The following VSIG10 variants were observed in gnomAD, a reference collection of about 807,000 sequenced individuals.
The protein encoded by VSIG10 is V-set and immunoglobulin domain containing 10.
VSIG10 carries 48 observed loss-of-function variants against 58.7 expected under a neutral mutation model. The ratio of observed to expected loss-of-function variants is 0.82; its 90% CI spans 0.65 to 1.04. The LOEUF (loss-of-function observed/expected upper bound fraction) is 1.04. Ranked by LOEUF, VSIG10 falls within the 50% of genes least tolerant of loss-of-function variation. The pLI, the probability that VSIG10 is intolerant of heterozygous loss-of-function variation, is 0.00. For missense variants in VSIG10, 628 were observed against 670.0 expected (o/e 0.94, Z 0.69); for synonymous variants, 260 against 267.1 (o/e 0.97, Z 0.26).
chr12:118,071,197 T>G (rs1480856184), intron 6 of VSIG10, 130 bp from the exon 7 acceptor site: 12 of 1,234,782 alleles, frequency 9.7e-6, no homozygotes, highest in Non-Finnish European at 1.3e-5. Flanking sequence ...TGATAGGGTG[T>G]CCCGGGATGG....
At chr12:118,084,317 A>C (rs2137908404) in intron 2 of VSIG10, among the ~76,000 whole-genome samples, 1 of 152,326 alleles carries the variant, frequency 6.6e-6, no homozygotes, top group South Asian at 2.1e-4. Flanking sequence ...CCTTGCTAAC[A>C]GGAAAAGTTA....
Position 118,079,386 on chromosome 12 carries a change from T to A in VSIG10, c.885A>T (p.Ile295=). 1 of 1,613,966 alleles carries A rather than the reference T, an allele frequency of 6.2e-7. No individual in the cohort carries two copies. Among genetic ancestry groups the A allele is most frequent in the Non-Finnish European group, 8.5e-7 (1 of 1,179,876 alleles). The part of the protein sequence containing the change: ...GKKFKCVTSH[I]VGPESGASCM... ...AGCTGGCGCCCGACTCTGGCCCAAC[T>A]ATGTGGCTTGTAACACACTTGAACT... The change falls in exon 4 of 9, where the codon ATA becomes ATT. Residue 295 remains isoleucine (I), a synonymous_variant. Coordinates refer to ENST00000359236, the MANE Select transcript of VSIG10 (RefSeq NM_019086.6).
intron 8 of VSIG10, among the ~76,000 whole-genome samples, chr12:118,067,544 G>T (rs887229827): frequency 4.7e-5 from 7 of 148,906 alleles, no homozygotes; most frequent in Non-Finnish European, 1.0e-4. Context: ...GCTCACTGCA[G>T]CCTCCGTCTC....
chr12:118,065,423 T>C lies in VSIG10; in HGVS notation c.*1216A>G, dbSNP rs1441191428. 1.3e-5 allele frequency: 2 copies of C among 152,212 alleles called. No individual in the cohort carries two copies. The highest frequency in any genetic ancestry group is 3.8e-4 in the East Asian group (2 of 5,200). 9.4% of individuals were successfully genotyped at this position (152,212 alleles called of 1,614,324 possible). On this transcript the variant is annotated 3_prime_UTR_variant, in exon 9 of 9. Transcript: ENST00000359236. ...ATGAAAGGCACTTCCTATTACCAGCTCCCTAACTCTTTTTAAAAGAATTCT... is the reference window on the plus strand; with the variant it reads ...ATGAAAGGCACTTCCTATTACCAGCCCCCTAACTCTTTTTAAAAGAATTCT...
intron 2 of VSIG10, among the ~76,000 whole-genome samples, chr12:118,095,008 A>C (rs2033406590): frequency 6.6e-6 from 1 of 151,978 alleles, no homozygotes; most frequent in Admixed American, 6.6e-5. Flanking sequence ...GGTTCAAGCA[A>C]TTCTCCTGCC....
Position 118,069,313 on chromosome 12 carries a change from T to C in VSIG10, c.1347-716A>G, listed in dbSNP as rs572445559. ...ACATGTTGGCCAGGCTGGTCTCGAA[T>C]GCCTGGCCTCAAGTGATCCAACCAC... On this transcript the variant is annotated intron_variant, in intron 7 of 8. Transcript: ENST00000359236. Among the ~76,000 whole-genome samples, 41 of 151,760 alleles carry C rather than the reference T, an allele frequency of 2.7e-4. No individual in the cohort carries two copies. The East Asian group carries it at 7.4e-3, about 27-fold the overall frequency.
intron 3 of VSIG10, among the ~76,000 whole-genome samples, chr12:118,080,254 C>A (rs1421704415): frequency 1.3e-5 from 2 of 152,080 alleles, no homozygotes; most frequent in African/African-American, 4.8e-5. Context: ...CCCGCCTCAG[C>A]CTCCCAAAGT....
At chr12:118,079,810 T>C (rs757240718) in intron 3 of VSIG10, among the ~76,000 whole-genome samples, 121 of 138,600 alleles carry the variant, frequency 8.7e-4, no homozygotes, top group Non-Finnish European at 1.6e-3. Flanking sequence ...CTGGGTCTCA[T>C]TCACCTTTGC....
At chr12:118,096,617 G>C (rs2033467802) in intron 1 of VSIG10, among the ~76,000 whole-genome samples, 1 of 150,580 alleles carries the variant, frequency 6.6e-6, no homozygotes, top group African/African-American at 2.4e-5. Flanking sequence ...AGCTGGGCAT[G>C]TAGTCCCAGC....
At position 118,066,515 on chromosome 12, in the gene VSIG10, C is replaced by T. The variant is rs916419379; in HGVS notation, c.*124G>A. On this transcript the variant is annotated 3_prime_UTR_variant, in exon 9 of 9. Transcript: ENST00000359236. ...TGCTTGGTTTTGTTTTTTGCTGAGA[C>T]CCAAACATTGTTAGTGCAAGCCCCC... 14 of 1,015,734 alleles carry T rather than the reference C, an allele frequency of 1.4e-5. No individual in the cohort carries two copies. Among genetic ancestry groups the T allele is most frequent in the Non-Finnish European group, 2.2e-5 (14 of 647,862 alleles). The allele number at this position is 1,015,734 out of a possible 1,614,324, so 62.9% of individuals were successfully genotyped here. A position where few individuals can be genotyped will look rare whatever the true frequency, so the allele number is the denominator to read the frequency against.
chr12:118,103,832 G>A lies in VSIG10; in HGVS notation c.-161C>T. The A allele has an allele frequency of 1.5e-6, 1 of 658,420 alleles. No individual in the cohort carries two copies. The allele number at this position is 658,420 out of a possible 1,614,324, so 40.8% of individuals were successfully genotyped here. On this transcript the variant is annotated 5_prime_UTR_variant, in exon 1 of 9. Transcript: ENST00000359236. ...CCCAGGAAGGATGCTTGGCTGAGCCGAGTGTCCAGGGCCGGCAGCGGAGCT... is the reference window on the plus strand; with the variant it reads ...CCCAGGAAGGATGCTTGGCTGAGCCAAGTGTCCAGGGCCGGCAGCGGAGCT...
chr12:118,082,916 C>A (rs1246516773), intron 2 of VSIG10, among the ~76,000 whole-genome samples: 1 of 151,338 alleles, frequency 6.6e-6, no homozygotes, highest in Non-Finnish European at 1.5e-5. Context: ...AGTTCAAGAC[C>A]AGCCTGGCCA....
In VSIG10 at chr12:118,093,447, G is replaced by C. The variant is rs531918385; in HGVS notation, c.361+2086C>G. ...CTGGTTCCAAACTCTTCGCTCAAAT[G>C]ATTCTCCCACCTCAGCCTCCCAAAG... On this transcript the variant is annotated intron_variant, in intron 2 of 8. Transcript: ENST00000359236. Among the ~76,000 whole-genome samples the C allele has an allele frequency of 3.3e-5, 5 of 151,400 alleles. No homozygotes were observed. In the East Asian group the frequency reaches 8.0e-4, roughly 24 times the overall value.
intron 4 of VSIG10, among the ~76,000 whole-genome samples, chr12:118,077,600 G>A (rs1390948120): frequency 6.6e-6 from 1 of 152,092 alleles, no homozygotes; most frequent in Non-Finnish European, 1.5e-5. Flanking sequence ...TTCAATGTGG[G>A]CTGGACTTAT....
At chr12:118,073,665 C>T (rs780777721) in intron 5 of VSIG10, 34 bp downstream of exon 5, 1 of 1,514,262 alleles carries the variant, frequency 6.6e-7, no homozygotes, top group Admixed American at 1.7e-5. Context: ...AAGCTCTGAA[C>T]CCTCCCTCCT....
At chr12:118,083,136 A>T (rs2033016280) in intron 2 of VSIG10, among the ~76,000 whole-genome samples, 1 of 139,692 alleles carries the variant, frequency 7.2e-6, no homozygotes, top group Admixed American at 7.2e-5. Context: ...AAAAAAAAAA[A>T]AAAAAAAAAA....
chr12:118,063,871 T>C lies in VSIG10; in HGVS notation c.*2768A>G, dbSNP rs1290675971. 3 of 152,230 alleles carry C rather than the reference T, an allele frequency of 2.0e-5. No individual in the cohort carries two copies. The highest frequency in any genetic ancestry group is 6.5e-5 in the Admixed American group (1 of 15,280). The allele number at this position is 152,230 out of a possible 1,614,324, so 9.4% of individuals were successfully genotyped here. ...ATCTTGTGTTTTCCTGCGGCAATTA[T>C]GGGGCTTGTATGTGCTTGTGAGAAT... On this transcript the variant is annotated 3_prime_UTR_variant, in exon 9 of 9. Transcript: ENST00000359236.
At chr12:118,075,146 G>A (rs998660530) in intron 4 of VSIG10, among the ~76,000 whole-genome samples, 73 of 127,754 alleles carry the variant, frequency 5.7e-4, no homozygotes, top group Middle Eastern at 3.9e-3. Context: ...GTATATATGT[G>A]TATATGTATA....
chr12:118,070,754 A>C (rs1275364072), intron 7 of VSIG10, among the ~76,000 whole-genome samples: 1 of 152,108 alleles, frequency 6.6e-6, no homozygotes, highest in Non-Finnish European at 1.5e-5. Flanking sequence ...CAGACTTTGG[A>C]ATTGATTAGA....
Sources: allele counts gnomAD v4.1 joint callset (sites outside exome capture counted in the v4.1 genomes callset), GRCh38; gene constraint gnomAD v4.1.1; transcripts MANE v1.5; gene names NCBI Gene and HGNC (gene_info 2026-07-23, HGNC 2026-07-21).